MRPL37: variants seen among roughly 807,000 people sequenced by gnomAD.
MRPL37 encodes large ribosomal subunit protein mL37.
Under a neutral mutation model 44.1 loss-of-function variants are expected in MRPL37, and 34 were observed. The observed-to-expected ratio is 0.77, with a 90% confidence interval of 0.59 to 1.03. The LOEUF (loss-of-function observed/expected upper bound fraction) is 1.03, where lower values mean the gene tolerates loss of function less well. Among genes scored for constraint, MRPL37 ranks in the 50% least tolerant of loss-of-function variants. The pLI is 0.00. For synonymous variants in MRPL37, 212 were observed against 219.5 expected (o/e 0.97, Z 0.30); for missense variants, 532 against 543.7 (o/e 0.98, Z 0.21).
intron 1 of MRPL37, 54 bp from the exon 2 acceptor site, chr1:54,204,964 T>G: frequency 6.4e-7 from 1 of 1,570,764 alleles, no homozygotes. Context: ...TGTAAGCATC[T>G]CTTCCTGAAT....
chr1:54,209,569 C>T (rs1644149031), intron 3 of MRPL37, among the ~76,000 whole-genome samples: 1 of 151,870 alleles, frequency 6.6e-6, no homozygotes, highest in Non-Finnish European at 1.5e-5. Context: ...ATGCCATTCT[C>T]CCGCCTCAGC....
In MRPL37 at chr1:54,212,544, C is replaced by G; in HGVS notation, c.876C>G (p.Tyr292Ter). 6.2e-7 allele frequency: 1 copy of G among 1,614,210 alleles called. No homozygotes were observed. The highest frequency in any genetic ancestry group is 8.5e-7 in the Non-Finnish European group (1 of 1,180,036). ...GYPYPYPHTL[Y>*]LLDKANLRPH... is the part of the protein sequence containing the mutation. ...CTTACCCCTATCCCCATACCCTGTA[C>G]TTACTGGACAAAGCCAATTTACGAC... The change falls in exon 5 of 7, where the codon TAC becomes TAG. Residue 292 changes from tyrosine (Y) to a stop codon, truncating the protein, a stop_gained. Transcript: ENST00000360840. LOFTEE classifies it high-confidence loss of function.
chr1:54,209,362 G>A (rs1449248655), intron 3 of MRPL37, among the ~76,000 whole-genome samples: 1 of 152,022 alleles, frequency 6.6e-6, no homozygotes, highest in East Asian at 1.9e-4. Flanking sequence ...TGTGTTCTGT[G>A]ATTAGGCTGA....
At chr1:54,223,788 T>C (rs10888843), downstream of MRPL37, among the ~76,000 whole-genome samples, 57,587 of 152,106 alleles carry the variant, frequency 0.38, 12,090 homozygotes, top group African/African-American at 0.55. Context: ...ACTGGCATGA[T>C]GCTCCCTTTT....
downstream of MRPL37, among the ~76,000 whole-genome samples, chr1:54,222,883 CTG>C (rs1456597447): frequency 3.9e-5 from 6 of 152,350 alleles, no homozygotes; most frequent in East Asian, 1.9e-4. Context: ...CCTTCCGTGT[CTG>C]TTCACTACTG....
chr1:54,216,457 A>T, intron 6 of MRPL37, 113 bp downstream of exon 6: 1 of 1,251,274 alleles, frequency 8.0e-7, no homozygotes, highest in Non-Finnish European at 1.1e-6. Flanking sequence ...GGCCCTGGGG[A>T]CTTCCCACCC....
Position 54,200,331 on chromosome 1 carries a change from G to A in MRPL37, c.88G>A (p.Ala30Thr). The A allele has an allele frequency of 6.2e-7, 1 of 1,613,964 alleles. No individual in the cohort carries two copies. The highest frequency in any genetic ancestry group is 8.5e-7 in the Non-Finnish European group (1 of 1,179,986). The change falls in exon 1 of 7, where the codon GCG (alanine) becomes ACG (threonine). Residue 30 changes from alanine (A) to threonine (T), a missense_variant. Transcript: ENST00000360840. ...LGGFGAPRRG[A>T]YEWGVRSTRK... ...GGGCTTCGGGGCCCCGAGACGCGGG[G>A]CGTATGAGTGGGGCGTGCGCTCCAC...
At position 54,208,566 on chromosome 1, in the gene MRPL37, AAAAG is replaced by A. The variant is rs1644141413; in HGVS notation, c.647-1377_647-1374del. On this transcript the variant is annotated intron_variant, in intron 3 of 6. Coordinates refer to ENST00000360840, the MANE Select transcript of MRPL37 (RefSeq NM_016491.4). ...TCCGTCTCAAAAAAAAAAAAAAAAA[AAAAG>A]AATCTCCTCTCTAACTCTAGTCTCA... Among the ~76,000 whole-genome samples the A allele has an allele frequency of 2.0e-5, 3 of 150,912 alleles. No individual in the cohort carries two copies. In the South Asian group the frequency reaches 6.3e-4, roughly 32 times the overall value.
downstream of MRPL37, among the ~76,000 whole-genome samples, chr1:54,223,736 G>A (rs903531619): frequency 2.0e-5 from 3 of 152,188 alleles, no homozygotes; most frequent in Admixed American, 6.5e-5. Flanking sequence ...CCCCGACTCC[G>A]GCACCTCTCA....
rs755862505 is a variant in MRPL37 at position 54,205,124 on chromosome 1, C to T, written c.453C>T (p.Asp151=). The T allele has an allele frequency of 6.4e-5, 104 of 1,614,038 alleles. No homozygotes were observed. Among genetic ancestry groups the T allele is most frequent in the Non-Finnish European group, 8.1e-5 (95 of 1,180,048 alleles). Residue 151 remains aspartate (D), a synonymous_variant, in exon 2 of 7, where the codon GAC becomes GAT. Coordinates refer to ENST00000360840, the MANE Select transcript of MRPL37 (RefSeq NM_016491.4). The part of the protein sequence containing the change: ...DDPRNHIENQ[D]ECVLNVISHA... ...CAAGGAACCACATAGAGAACCAAGA[C>T]GAGTGCGTTCTGAATGTGATCTCTC... is the stretch of plus-strand genomic sequence containing the variant.
intron 3 of MRPL37, among the ~76,000 whole-genome samples, chr1:54,206,354 C>T (rs1174058263): frequency 5.3e-5 from 8 of 151,802 alleles, no homozygotes; most frequent in Admixed American, 1.3e-4. Context: ...CCTCCTGATC[C>T]GCCTGCCTCG....
chr1:54,219,370 G>A (rs761795071), downstream of MRPL37, among the ~76,000 whole-genome samples: 4 of 152,230 alleles, frequency 2.6e-5, no homozygotes, highest in Admixed American at 6.5e-5. Context: ...CTGTGTCTCT[G>A]CCTCCCAGGC....
At position 54,205,423 on chromosome 1, in the gene MRPL37, G is replaced by A. The variant is rs919636704; in HGVS notation, c.646+13G>A. 1 of 1,603,234 alleles carries A rather than the reference G, an allele frequency of 6.2e-7. No homozygotes were observed. Among genetic ancestry groups the A allele is most frequent in the South Asian group, 1.1e-5 (1 of 90,642 alleles). ...ACCTGGAACCGAGGTTGGTCATCTTGTACACCAGAAAGCCTTGGTCTGTTT... is the reference window on the plus strand; with the variant it reads ...ACCTGGAACCGAGGTTGGTCATCTTATACACCAGAAAGCCTTGGTCTGTTT... On this transcript the variant is annotated intron_variant, in intron 3 of 6. Transcript: ENST00000360840.
At chr1:54,219,868 T>A (rs1469219493), downstream of MRPL37, among the ~76,000 whole-genome samples, 1 of 152,254 alleles carries the variant, frequency 6.6e-6, no homozygotes, top group East Asian at 1.9e-4. Flanking sequence ...TTGTAGGCTC[T>A]TGCCACATCA....
intron 1 of MRPL37, among the ~76,000 whole-genome samples, chr1:54,203,106 A>G (rs12031348): frequency 0.18 from 27,288 of 152,094 alleles, 2,838 homozygotes; most frequent in East Asian, 0.47. Flanking sequence ...TTAATGTTTA[A>G]AGACTATCAG....
downstream of MRPL37, among the ~76,000 whole-genome samples, chr1:54,221,653 C>A (rs957793195): frequency 1.3e-5 from 2 of 152,272 alleles, no homozygotes; most frequent in South Asian, 2.1e-4. Context: ...CATCACACTC[C>A]CACACATGCA....
chr1:54,216,219 T>C lies in MRPL37; in HGVS notation c.1069T>C (p.Phe357Leu), dbSNP rs779434744. ...TDGRVFHFLV[F>L]QLNTTDLDCN... Reference sequence around the variant, plus strand: ...TGGACGTGTCTTCCATTTCCTAGTGTTTCAACTGAATACCACAGACCTGGA... The same window carrying C: ...TGGACGTGTCTTCCATTTCCTAGTGCTTCAACTGAATACCACAGACCTGGA... Residue 357 changes from phenylalanine to leucine, a missense_variant, in exon 6 of 7, where the codon TTT (phenylalanine) becomes CTT (leucine). By Grantham distance (22) the Phe-to-Leu change is conservative (BLOSUM62 0). Transcript: ENST00000360840. 4 of 1,614,088 alleles carry C rather than the reference T, an allele frequency of 2.5e-6. No individual in the cohort carries two copies. The Admixed American group carries it at 6.7e-5, about 27-fold the overall frequency.
rs1644113809 is a variant in MRPL37, at chr1:54,205,314, C to G, written c.550C>G (p.Leu184Val). The G allele has an allele frequency of 1.2e-6, 2 of 1,614,124 alleles. No homozygotes were observed. The highest frequency in any genetic ancestry group is 4.5e-5 in the East Asian group (2 of 44,884). ...TTCAAGCCCGGTCATCGTGGACAAC[C>G]TAATACAGCTGTGTAAATCTCAGAT... Reference protein sequence around the residue: ...ETYCPVIVDNLIQLCKSQILK... With the variant: ...ETYCPVIVDNVIQLCKSQILK... Residue 184 changes from leucine to valine, a missense_variant, in exon 3 of 7, where the codon CTA (leucine) becomes GTA (valine). By Grantham distance (32) the Leu-to-Val change is conservative. Transcript: ENST00000360840.
At chr1:54,206,256 G>A (rs1300072558) in intron 3 of MRPL37, among the ~76,000 whole-genome samples, 1 of 151,582 alleles carries the variant, frequency 6.6e-6, no homozygotes, top group East Asian at 1.9e-4. Flanking sequence ...GGGACTACAG[G>A]CGCCCGCCAC....
Sources: gnomAD v4.1 joint callset for allele counts (sites outside exome capture counted in the v4.1 genomes callset) on GRCh38, gnomAD v4.1.1 for gene constraint, MANE v1.5 for transcripts, NCBI Gene and HGNC (gene_info 2026-07-23, HGNC 2026-07-21) for gene names.